Variants in SRBD1 observed in about 807,000 individuals in gnomAD.
SRBD1 encodes the protein S1 RNA-binding domain-containing protein 1.
A neutral mutation model predicts 115.3 loss-of-function variants in SRBD1; 88 were observed. The observed-to-expected ratio is 0.76, with a 90% CI of 0.64 to 0.91. The LOEUF is 0.91. SRBD1 is among the 40% of genes least tolerant of loss of function. SRBD1 has a pLI of 0.00. For missense variants in SRBD1, 1,385 were observed against 1,177.4 expected, an observed-to-expected ratio of 1.18 and a Z score of -2.58; for synonymous variants, 509 against 407.7, an observed-to-expected ratio of 1.25 and a Z score of -2.99.
At chr2:45,541,000 C>T (rs952381815) in intron 14 of SRBD1, among the ~76,000 whole-genome samples, 3 of 152,352 alleles carry the variant, frequency 2.0e-5, no homozygotes, top group South Asian at 4.1e-4. Context: ...GCTCAGGCCC[C>T]CTGGGCTCGT....
intron 10 of SRBD1, among the ~76,000 whole-genome samples, chr2:45,560,040 C>T (rs760265251): frequency 2.0e-5 from 3 of 152,018 alleles, no homozygotes; most frequent in Non-Finnish European, 4.4e-5. Context: ...AAGATCATGC[C>T]ACTGCACTCC....
intron 14 of SRBD1, among the ~76,000 whole-genome samples, chr2:45,533,440 A>G (rs2033649): frequency 0.42 from 63,952 of 151,742 alleles, 14,557 homozygotes; most frequent in African/African-American, 0.6. Flanking sequence ...GAGGGTCTAT[A>G]TATAATTATT....
chr2:45,547,231 T>C (rs1672149307), intron 13 of SRBD1, among the ~76,000 whole-genome samples: 1 of 152,092 alleles, frequency 6.6e-6, no homozygotes, highest in South Asian at 2.1e-4. Context: ...CATCTATTCC[T>C]CAGATGGAAA....
intron 14 of SRBD1, among the ~76,000 whole-genome samples, chr2:45,529,814 TAC>T (rs1671557919): frequency 6.6e-6 from 1 of 151,972 alleles, no homozygotes; most frequent in Admixed American, 6.6e-5. Context: ...TGCTAGAAAT[TAC>T]AGCATACAAG....
chr2:45,390,687 T>C lies in SRBD1; in HGVS notation c.2699-1088A>G, dbSNP rs1666971000. Among the ~76,000 whole-genome samples, 4 of 152,188 alleles carry C rather than the reference T, an allele frequency of 2.6e-5. 1 individual carries two copies. The highest frequency in any genetic ancestry group is 2.6e-4 in the Admixed American group (4 of 15,274). The stretch of plus-strand genomic sequence containing the variant: ...TTTTCCTCCACAGCTGTTGGCTTTA[T>C]CCTGATGACTTGTTAAAGCTATCCT... On this transcript the variant is annotated intron_variant, in intron 20 of 20. Transcript: ENST00000263736.
intron 7 of SRBD1, among the ~76,000 whole-genome samples, chr2:45,577,791 CAA>C (rs1159825558): frequency 6.6e-6 from 1 of 150,652 alleles, no homozygotes; most frequent in African/African-American, 2.4e-5. Context: ...GAGGAGGAGA[CAA>C]AGAGAAAGAG....
At chr2:45,601,468 A>G (rs1674090563) in intron 3 of SRBD1, among the ~76,000 whole-genome samples, 1 of 152,232 alleles carries the variant, frequency 6.6e-6, no homozygotes, top group Non-Finnish European at 1.5e-5. Flanking sequence ...TGTTGACAAA[A>G]TCATGTTCCT....
At position 45,455,668 on chromosome 2, in the gene SRBD1, C is replaced by A. The variant is rs528130585; in HGVS notation, c.2049+21325G>T. On this transcript the variant is annotated intron_variant, in intron 16 of 20. Coordinates refer to ENST00000263736, the MANE Select transcript of SRBD1 (RefSeq NM_018079.5). ...AGGGATAACAAGCAAACATTTTCTC[C>A]CTGACACAACTTTGCAATGTATGTA... Among the ~76,000 whole-genome samples the A allele has an allele frequency of 7.2e-5, 11 of 151,812 alleles. No homozygotes were observed. In the East Asian group the frequency reaches 2.1e-3, roughly 29 times the overall value.
intron 19 of SRBD1, among the ~76,000 whole-genome samples, chr2:45,403,485 G>T (rs185703391): frequency 6.6e-6 from 1 of 151,910 alleles, no homozygotes; most frequent in East Asian, 1.9e-4. Context: ...AAACATTGCC[G>T]TATCAGTATT....
chr2:45,546,395 A>G (rs142772931), intron 14 of SRBD1: 2 of 951,428 alleles, frequency 2.1e-6, no homozygotes, highest in East Asian at 2.3e-4. Context: ...TTCACAGTCT[A>G]CTAGCTGCTA....
At chr2:45,430,904 G>T (rs575069242) in intron 16 of SRBD1, among the ~76,000 whole-genome samples, 1 of 152,110 alleles carries the variant, frequency 6.6e-6, no homozygotes, top group Non-Finnish European at 1.5e-5. Context: ...ATCTGACAAA[G>T]GGCTAATATC....
intron 4 of SRBD1, among the ~76,000 whole-genome samples, chr2:45,586,300 T>A (rs946952415): frequency 1.5e-4 from 23 of 152,024 alleles, no homozygotes; most frequent in African/African-American, 5.6e-4. Flanking sequence ...CCTAGCAGAG[T>A]AAAGGTGAGC....
At chr2:45,454,920 CT>C (rs762250317) in intron 16 of SRBD1, among the ~76,000 whole-genome samples, 30 of 151,866 alleles carry the variant, frequency 2.0e-4, no homozygotes, top group Non-Finnish European at 1.6e-4. Flanking sequence ...CTTCTCCAAG[CT>C]TTGTTTCTTG....
chr2:45,534,623 C>A (rs1671712491), intron 14 of SRBD1, among the ~76,000 whole-genome samples: 1 of 151,848 alleles, frequency 6.6e-6, no homozygotes, highest in Non-Finnish European at 1.5e-5. Flanking sequence ...TCCTAGAAAA[C>A]TGCATATAGA....
chr2:45,559,259 C>A (rs1396750639), intron 10 of SRBD1, among the ~76,000 whole-genome samples: 4 of 152,156 alleles, frequency 2.6e-5, no homozygotes, highest in African/African-American at 9.7e-5. Context: ...TATTTAAAAT[C>A]CTTATTGGCT....
chr2:45,479,620 G>C (rs1264638773), intron 15 of SRBD1, among the ~76,000 whole-genome samples: 1 of 152,204 alleles, frequency 6.6e-6, no homozygotes, highest in East Asian at 1.9e-4. Context: ...GCAAAGGCTG[G>C]TTTGTGAGGG....
intron 16 of SRBD1, among the ~76,000 whole-genome samples, chr2:45,421,228 C>T (rs1223475774): frequency 1.3e-5 from 2 of 151,980 alleles, no homozygotes; most frequent in Non-Finnish European, 2.9e-5. Context: ...CAGAAAATGG[C>T]CAGGCGTGGT....
intron 16 of SRBD1, among the ~76,000 whole-genome samples, chr2:45,434,573 T>C (rs1414610901): frequency 6.6e-6 from 1 of 152,208 alleles, no homozygotes; most frequent in African/African-American, 2.4e-5. Context: ...AGGGTCAATG[T>C]TCTCAGATTT....
intron 19 of SRBD1, 90 bp from the exon 20 acceptor site, chr2:45,393,219 T>G: frequency 7.6e-7 from 1 of 1,311,270 alleles, no homozygotes. Flanking sequence ...TTCATTCATC[T>G]TAGACCCATA....
Sources: allele counts gnomAD v4.1 joint callset (sites outside exome capture counted in the v4.1 genomes callset), GRCh38; gene constraint gnomAD v4.1.1; transcripts MANE v1.5; gene names NCBI Gene and HGNC (gene_info 2026-07-23, HGNC 2026-07-21).